The following SCGB2B2 variants were observed in gnomAD, a reference collection of about 807,000 sequenced individuals.
SCGB2B2 encodes secretoglobin family 2B member 2, also known as secretoglobin-like protein.
A neutral mutation model predicts 7.6 loss-of-function variants in SCGB2B2; 11 were observed. The ratio of observed to expected loss-of-function variants is 1.45; its 90% CI spans 0.91 to 2.40. The LOEUF (loss-of-function observed/expected upper bound fraction) is 2.40. Ranked by LOEUF, SCGB2B2 falls within the 30% of genes most tolerant of loss-of-function variation. The probability of loss-of-function intolerance (pLI) is 0.00; values close to 1 mark genes in which losing one functional copy is unlikely to be tolerated. For synonymous variants in SCGB2B2, 50 were observed against 48.6 expected, an observed-to-expected ratio of 1.03 and a Z score of -0.12; for missense variants, 104 against 115.4, an observed-to-expected ratio of 0.90 and a Z score of 0.45.
intron 1 of SCGB2B2, among the ~76,000 whole-genome samples, chr19:34,637,136 A>G (rs941239394): frequency 1.3e-5 from 2 of 152,210 alleles, no homozygotes; most frequent in South Asian, 4.1e-4. Flanking sequence ...AAATGCCACC[A>G]GGAGGGAAGG....
At chr19:34,625,747 T>C (rs1316022130) in intron 1 of SCGB2B2, among the ~76,000 whole-genome samples, 4 of 152,230 alleles carry the variant, frequency 2.6e-5, no homozygotes, top group Non-Finnish European at 5.9e-5. Context: ...TAAATGTCCC[T>C]GTCTGACAGC....
At chr19:34,656,933 T>C (rs1194667780) in intron 1 of SCGB2B2, among the ~76,000 whole-genome samples, 1 of 151,212 alleles carries the variant, frequency 6.6e-6, no homozygotes, top group Non-Finnish European at 1.5e-5. Context: ...TATCTAACAT[T>C]GTACTAGAGA....
chr19:34,604,036 CT>C (rs1568429571), intron 1 of SCGB2B2, among the ~76,000 whole-genome samples: 1 of 151,882 alleles, frequency 6.6e-6, no homozygotes, highest in Admixed American at 6.6e-5. Context: ...TAATGTCTCC[CT>C]TTAGGTAAGT....
chr19:34,600,736 C>A (rs535207822), intron 1 of SCGB2B2, among the ~76,000 whole-genome samples: 1 of 152,256 alleles, frequency 6.6e-6, no homozygotes, highest in Admixed American at 6.5e-5. Flanking sequence ...TTTTCCACCT[C>A]TGACTGATTT....
At chr19:34,635,545 G>A in intron 1 of SCGB2B2, 1 of 263,340 alleles carries the variant, frequency 3.8e-6, no homozygotes, top group Non-Finnish European at 7.9e-6. Flanking sequence ...TGAACTCTCT[G>A]GTGTACAGTA....
At chr19:34,641,741 G>T (rs530636442) in intron 1 of SCGB2B2, among the ~76,000 whole-genome samples, 1 of 152,244 alleles carries the variant, frequency 6.6e-6, no homozygotes, top group Admixed American at 6.5e-5. Context: ...TGCAGCTGCA[G>T]AAAGTCAAGT....
At chr19:34,600,895 T>C (rs866324096) in intron 1 of SCGB2B2, among the ~76,000 whole-genome samples, 5 of 145,040 alleles carry the variant, frequency 3.4e-5, no homozygotes, top group Non-Finnish European at 6.0e-5. Flanking sequence ...AATTTATCAA[T>C]GCTATATTTC....
At chr19:34,663,502 G>A (rs1217286196) in intron 1 of SCGB2B2, among the ~76,000 whole-genome samples, 2 of 152,232 alleles carry the variant, frequency 1.3e-5, no homozygotes, top group African/African-American at 4.8e-5. Context: ...CAAAATTAAT[G>A]TTTACTGTAT....
downstream of SCGB2B2, among the ~76,000 whole-genome samples, chr19:34,587,142 A>C (rs896415686): frequency 6.6e-6 from 1 of 152,116 alleles, no homozygotes; most frequent in Non-Finnish European, 1.5e-5. Context: ...TCGTGACCTC[A>C]GATGATCCAC....
downstream of SCGB2B2, among the ~76,000 whole-genome samples, chr19:34,589,354 C>A: frequency 6.6e-6 from 1 of 152,022 alleles, no homozygotes; most frequent in East Asian, 1.9e-4. Context: ...AGAGCCAGGG[C>A]AGGAGGCCAG....
Position 34,667,910 on chromosome 19 carries a change from C to T in SCGB2B2, c.-2032+7720G>A, listed in dbSNP as rs192665258. 9.9e-5 allele frequency among the ~76,000 whole-genome samples: 15 copies of T among 152,274 alleles called. No homozygotes were observed. In the East Asian group the frequency reaches 2.5e-3, roughly 26 times the overall value. On this transcript the variant is annotated intron_variant, in intron 1 of 3. Transcript: ENST00000601241. ...TGGCCAGGCCAGCAAGCTCCCCCAG[C>T]TGCGCCCCTCTGCTGATTTTGCCCC...
rs2065871085 is a variant in SCGB2B2, at chr19:34,609,385, AATCTTT to A, written c.-2031-12797_-2031-12792del. 7.2e-5 allele frequency among the ~76,000 whole-genome samples: 11 copies of A among 152,100 alleles called. No homozygotes were observed. The South Asian group carries it at 2.1e-3, about 29-fold the overall frequency. On this transcript the variant is annotated intron_variant, in intron 1 of 3. Transcript: ENST00000601241. ...TGTGCTTTTGAGGTTTTCTCTATAA[AATCTTT>A]GCCAAGACCAATGTCCTGAAAATTT...
chr19:34,647,419 C>T (rs929387255), intron 1 of SCGB2B2, among the ~76,000 whole-genome samples: 1 of 152,188 alleles, frequency 6.6e-6, no homozygotes, highest in African/African-American at 2.4e-5. Context: ...CCCATCAGCC[C>T]ACACTGCCCT....
chr19:34,605,221 G>A (rs1224790760), intron 1 of SCGB2B2, among the ~76,000 whole-genome samples: 2 of 152,248 alleles, frequency 1.3e-5, no homozygotes, highest in Middle Eastern at 3.4e-3. Flanking sequence ...ATAGCTTTTT[G>A]AGTCTTAAAT....
At chr19:34,617,243 A>G (rs1270277) in intron 1 of SCGB2B2, among the ~76,000 whole-genome samples, 74,418 of 150,550 alleles carry the variant, frequency 0.49, 19,229 homozygotes, top group African/African-American at 0.63. Context: ...TAGCTTGATG[A>G]GGATGGCATT....
intron 1 of SCGB2B2, among the ~76,000 whole-genome samples, chr19:34,664,054 C>T (rs189075916): frequency 1.3e-5 from 2 of 151,606 alleles, no homozygotes; most frequent in East Asian, 3.9e-4. Context: ...AGCCCCTATC[C>T]AGAAAGTCTC....
downstream of SCGB2B2, among the ~76,000 whole-genome samples, chr19:34,590,269 G>C (rs761505235): frequency 1.3e-5 from 2 of 152,186 alleles, no homozygotes; most frequent in African/African-American, 2.4e-5. Context: ...GAGGTCCCAG[G>C]TGTCCTCATG....
intron 3 of SCGB2B2, 147 bp downstream of exon 3, chr19:34,594,027 AG>A: frequency 1.5e-6 from 1 of 652,378 alleles, no homozygotes; most frequent in South Asian, 1.9e-5. Flanking sequence ...CTGTTGGGGC[AG>A]GTGGGGAACT....
At chr19:34,670,315 C>G (rs570813002) in intron 1 of SCGB2B2, among the ~76,000 whole-genome samples, 5 of 152,322 alleles carry the variant, frequency 3.3e-5, no homozygotes, top group African/African-American at 1.2e-4. Context: ...TTTTCACAAA[C>G]TGACTAACTG....
Sources: gnomAD v4.1 joint callset for allele counts (sites outside exome capture counted in the v4.1 genomes callset) on GRCh38, gnomAD v4.1.1 for gene constraint, MANE v1.5 for transcripts, NCBI Gene and HGNC (gene_info 2026-07-23, HGNC 2026-07-21) for gene names.